Variants in CUX2 observed in about 807,000 individuals in gnomAD.
CUX2 encodes cut like homeobox 2.
In CUX2, 40 loss-of-function variants were observed where a neutral mutation model predicts 144.8. The observed-to-expected ratio is 0.28, with a 90% CI of 0.21 to 0.36. The LOEUF is 0.36. Among genes scored for constraint, CUX2 ranks in the 10% least tolerant of loss-of-function variants. CUX2 has a pLI of 1.00. For missense variants in CUX2, 1,615 were observed against 1,994.0 expected (o/e 0.81, Z 3.62); for synonymous variants, 827 against 875.6 (o/e 0.94, Z 0.98).
chr12:111,281,618 C>T (rs1885118929), intron 4 of CUX2, among the ~76,000 whole-genome samples: 1 of 152,240 alleles, frequency 6.6e-6, no homozygotes, highest in Non-Finnish European at 1.5e-5. Flanking sequence ...CGCAAGGACT[C>T]AGGTGCCCTG....
rs576332151 is a variant in CUX2 at position 111,325,255 on chromosome 12, C to T, written c.2926+2675C>T. Among the ~76,000 whole-genome samples the T allele has an allele frequency of 1.8e-3, 272 of 151,488 alleles. 1 individual carries two copies. Among genetic ancestry groups the T allele is most frequent in the Non-Finnish European group, 2.8e-3 (188 of 67,930 alleles). ...CTTGCAATGAGCCGAGATCCTGTCA[C>T]TGCACTCCAGCCTGGGCGACAGAGC... On this transcript the variant is annotated intron_variant, in intron 18 of 21. Transcript: ENST00000261726.
intron 1 of CUX2, among the ~76,000 whole-genome samples, chr12:111,104,513 G>T (rs1050992820): frequency 1.3e-5 from 2 of 152,218 alleles, no homozygotes; most frequent in African/African-American, 4.8e-5. Context: ...TGATTCAAAA[G>T]CCAGGTTTCC....
intron 19 of CUX2, among the ~76,000 whole-genome samples, chr12:111,336,422 T>TG (rs1888353188): frequency 8.2e-6 from 1 of 121,538 alleles, no homozygotes; most frequent in African/African-American, 4.1e-5. Flanking sequence ...GACACTTCAG[T>TG]GTTGTGTGTG....
intron 1 of CUX2, among the ~76,000 whole-genome samples, chr12:111,045,051 G>A (rs1208184056): frequency 6.6e-6 from 1 of 152,218 alleles, no homozygotes; most frequent in African/African-American, 2.4e-5. Context: ...CATCCCTACA[G>A]CCTGTGAGAT....
chr12:111,125,331 C>T (rs1331049817), intron 1 of CUX2, among the ~76,000 whole-genome samples: 1 of 152,120 alleles, frequency 6.6e-6, no homozygotes. Context: ...AGGCACGTGC[C>T]ACCGCACCAG....
At chr12:111,164,668 A>G (rs1468292822) in intron 1 of CUX2, among the ~76,000 whole-genome samples, 1 of 152,154 alleles carries the variant, frequency 6.6e-6, no homozygotes, top group Non-Finnish European at 1.5e-5. Flanking sequence ...CAGCCCCCCA[A>G]GGTGTTCGTA....
chr12:111,072,916 T>G (rs970363152), intron 1 of CUX2, among the ~76,000 whole-genome samples: 2 of 152,200 alleles, frequency 1.3e-5, no homozygotes, highest in African/African-American at 4.8e-5. Flanking sequence ...ACTCATTCTT[T>G]TGAAAAGTAA....
Position 111,293,558 on chromosome 12 carries a change from G to T in CUX2, c.549G>T (p.Ala183=). Residue 183 remains alanine (A), a synonymous_variant, in exon 6 of 22, where the codon GCG becomes GCT. Coordinates refer to ENST00000261726, the MANE Select transcript of CUX2 (RefSeq NM_015267.4). This position sits in a 1 kb window ranked among gnomAD's most constrained non-coding sequence, Gnocchi z 4.5. ...LTETLLQRNE[A]EKQKGLQEVQ... ...AAACCTTGCTGCAGAGAAATGAGGC[G>T]GAAAAACAAAAGTGAGGAAGGGAAG... 6.3e-7 allele frequency: 1 copy of T among 1,581,906 alleles called. No homozygotes were observed. Among genetic ancestry groups the T allele is most frequent in the East Asian group, 2.3e-5 (1 of 44,028 alleles).
intron 17 of CUX2, among the ~76,000 whole-genome samples, chr12:111,321,113 C>T (rs1887506128): frequency 6.6e-6 from 1 of 152,048 alleles, no homozygotes; most frequent in African/African-American, 2.4e-5. Context: ...GGGAAGATCT[C>T]TTGAGCCCAG....
At chr12:111,104,634 T>C (rs1873478246) in intron 1 of CUX2, among the ~76,000 whole-genome samples, 1 of 152,102 alleles carries the variant, frequency 6.6e-6, no homozygotes, top group Non-Finnish European at 1.5e-5. Flanking sequence ...TCACACAACA[T>C]ATTGAAGGAA....
At chr12:111,189,711 G>A (rs2136192470) in intron 1 of CUX2, among the ~76,000 whole-genome samples, 1 of 152,192 alleles carries the variant, frequency 6.6e-6, no homozygotes, top group South Asian at 2.1e-4. Context: ...TAGAGAACTT[G>A]TTAAAATCAA....
chr12:111,090,285 T>C (rs1210675149), intron 1 of CUX2, among the ~76,000 whole-genome samples: 3 of 152,192 alleles, frequency 2.0e-5, no homozygotes, highest in Non-Finnish European at 4.4e-5. Context: ...TACCTCTTTT[T>C]TGTTTTGAAA....
chr12:111,295,318 C>T lies in CUX2; in HGVS notation c.561-15C>T. The T allele has an allele frequency of 6.2e-7, 1 of 1,610,680 alleles. No individual in the cohort carries two copies. Among genetic ancestry groups the T allele is most frequent in the Non-Finnish European group, 8.5e-7 (1 of 1,178,736 alleles). On this transcript the variant is annotated splice_polypyrimidine_tract_variant and intron_variant, in intron 6 of 21. Transcript: ENST00000261726. This position sits in a 1 kb window ranked among gnomAD's most constrained non-coding sequence, Gnocchi z 5.0. ...GTCCCTGCAGCCAGCACAAGCAGGC[C>T]TCGTCTCTCCGCAGGGGCCTTCAAG...
Position 111,348,018 on chromosome 12 carries a change from A to G in CUX2, c.4154A>G (p.Glu1385Gly), listed in dbSNP as rs1437185320. 6.2e-7 allele frequency: 1 copy of G among 1,613,946 alleles called. No individual in the cohort carries two copies. The highest frequency in any genetic ancestry group is 8.5e-7 in the Non-Finnish European group (1 of 1,180,016). The change falls in exon 22 of 22, where the codon GAG (glutamate) becomes GGG (glycine). Residue 1385 changes from glutamate (E) to glycine (G), a missense_variant. Glu to Gly is a moderately conservative substitution (Grantham distance 98). Coordinates refer to ENST00000261726, the MANE Select transcript of CUX2 (RefSeq NM_015267.4). ...CCTTTAAGTTTTAAGTCAGCCTCAG[A>G]GTCCTCACGCTGCAGCCTGGAGGTG... ...PDPLSFKSAS[E>G]SSRCSLEVSL... is the part of the protein sequence containing the mutation.
chr12:111,184,385 G>A (rs1879377013), intron 1 of CUX2, among the ~76,000 whole-genome samples: 2 of 152,056 alleles, frequency 1.3e-5, no homozygotes. Flanking sequence ...AGTAACCTGA[G>A]TGTCCATGAG....
At position 111,214,049 on chromosome 12, in the gene CUX2, G is replaced by T. The variant is rs1329290127; in HGVS notation, c.64-151G>T. The T allele has an allele frequency of 1.0e-5, 4 of 399,364 alleles. No individual in the cohort carries two copies. In the East Asian group the frequency reaches 1.6e-4, roughly 16 times the overall value. 24.7% of individuals were successfully genotyped at this position (399,364 alleles called of 1,614,324 possible). ...CCAGTTTTGTAAATTATTTATTTGT[G>T]CCAGGAGTCAATATCCTGTCTTTTC... On this transcript the variant is annotated intron_variant, in intron 1 of 21. Coordinates refer to ENST00000261726, the MANE Select transcript of CUX2 (RefSeq NM_015267.4).
rs1565926154 is a variant in CUX2 at position 111,330,714 on chromosome 12, T to TAC, written c.2927-3726_2927-3725insCA. On this transcript the variant is annotated intron_variant, in intron 18 of 21. Transcript: ENST00000261726. ...ATATATATATATATATATATATATA[T>TAC]ATATATATATATATATATATATATA... Among the ~76,000 whole-genome samples the TAC allele has an allele frequency of 6.7e-3, 244 of 36,454 alleles. 18 individuals are homozygous for TAC. The highest frequency in any genetic ancestry group is 0.038 in the African/African-American group (237 of 6,236). The allele number at this position is 36,454 out of a possible 152,430, so 23.9% of individuals were successfully genotyped here.
In CUX2 at chr12:111,069,596, A is replaced by G. The variant is rs1432854630; in HGVS notation, c.63+35356A>G. Among the ~76,000 whole-genome samples the G allele has an allele frequency of 2.0e-5, 3 of 148,476 alleles. No individual in the cohort carries two copies. In the East Asian group the frequency reaches 6.1e-4, roughly 30 times the overall value. ...TTATTTTCTCATAGCTCTGGAGGTTAGAAGTTTGAGATCAAGGTTTCAGCA... is the reference window on the plus strand; with the variant it reads ...TTATTTTCTCATAGCTCTGGAGGTTGGAAGTTTGAGATCAAGGTTTCAGCA... On this transcript the variant is annotated intron_variant, in intron 1 of 21. Transcript: ENST00000261726.
rs1012828428 is a variant in CUX2, at chr12:111,346,475, C to CA, written c.3660-1034dup. On this transcript the variant is annotated intron_variant, in intron 21 of 21. Coordinates refer to ENST00000261726, the MANE Select transcript of CUX2 (RefSeq NM_015267.4). ...TGGGCAACAGAGCGAGACTCCATCT[C>CA]AAAAAAAAAAAAAAAGAAAAGAAAA... is the stretch of plus-strand genomic sequence containing the variant. Among the ~76,000 whole-genome samples, 720 of 87,276 alleles carry CA rather than the reference C, an allele frequency of 8.2e-3. 5 individuals carry two copies. Among genetic ancestry groups the CA allele is most frequent in the South Asian group, 0.046 (129 of 2,820 alleles). 57.3% of individuals were successfully genotyped at this position (87,276 alleles called of 152,430 possible).
Sources: gnomAD v4.1 joint callset for allele counts (sites outside exome capture counted in the v4.1 genomes callset) on GRCh38, gnomAD v4.1.1 for gene constraint, Gnocchi (gnomAD v3.1) non-coding constraint, MANE v1.5 for transcripts, NCBI Gene and HGNC (gene_info 2026-07-23, HGNC 2026-07-21) for gene names.